NT5E: variants seen among roughly 807,000 people sequenced by gnomAD.
NT5E encodes the protein 5'-nucleotidase.
NT5E carries 53 observed loss-of-function variants against 55.1 expected under a neutral mutation model. That is an observed-to-expected ratio of 0.96 (90% CI 0.77 to 1.21). NT5E has a LOEUF of 1.21. Among genes scored for constraint, NT5E ranks in the 50% most tolerant of loss-of-function variants. The pLI, the probability that NT5E is intolerant of heterozygous loss-of-function variation, is 0.00. For missense variants in NT5E, 683 were observed against 724.3 expected, an observed-to-expected ratio of 0.94 and a Z score of 0.65; for synonymous variants, 270 against 278.4, an observed-to-expected ratio of 0.97 and a Z score of 0.30.
intron 3 of NT5E, among the ~76,000 whole-genome samples, chr6:85,477,985 C>T (rs1042566929): frequency 6.6e-6 from 1 of 151,220 alleles, no homozygotes; most frequent in Non-Finnish European, 1.5e-5. Context: ...TATGATTACG[C>T]CACTGCACTC....
chr6:85,455,294 A>G (rs185635631), intron 1 of NT5E, among the ~76,000 whole-genome samples: 88 of 152,340 alleles, frequency 5.8e-4, no homozygotes, highest in South Asian at 1.0e-3. Flanking sequence ...AGATCCCTAG[A>G]TAGCTTCAAG....
chr6:85,451,297 G>C (rs550873377), intron 1 of NT5E, among the ~76,000 whole-genome samples: 2 of 152,244 alleles, frequency 1.3e-5, no homozygotes, highest in South Asian at 4.1e-4. Context: ...GGGTTTCAAA[G>C]GATTTCAATA....
chr6:85,492,664 G>A (rs897121356), intron 8 of NT5E, among the ~76,000 whole-genome samples: 29 of 152,280 alleles, frequency 1.9e-4, no homozygotes, highest in Non-Finnish European at 2.5e-4. Flanking sequence ...CTTGATGTCA[G>A]TTGGTACTTC....
rs1768835485 is a variant in NT5E at position 85,450,590 on chromosome 6, T to A, written c.339+112T>A. The A allele has an allele frequency of 1.6e-5, 16 of 1,004,356 alleles. No homozygotes were observed. The South Asian group carries it at 2.2e-4, about 14-fold the overall frequency. 62.2% of individuals were successfully genotyped at this position (1,004,356 alleles called of 1,614,324 possible). A position where few individuals can be genotyped will look rare whatever the true frequency, so the allele number is the denominator to read the frequency against. On this transcript the variant is annotated intron_variant, in intron 1 of 8. Coordinates refer to ENST00000257770, the MANE Select transcript of NT5E (RefSeq NM_002526.4). The surrounding 1 kb of genome is among the most constrained non-coding windows in gnomAD (Gnocchi z 4.0). ...AGCCTAGGTCCAGGGCGCGGAGAGATGTGGGGATAAAGTGAGACTCCGGCC... is the reference window on the plus strand; with the variant it reads ...AGCCTAGGTCCAGGGCGCGGAGAGAAGTGGGGATAAAGTGAGACTCCGGCC...
intron 3 of NT5E, 32 bp downstream of exon 3, chr6:85,471,457 G>C (rs759345678): frequency 6.3e-7 from 1 of 1,595,636 alleles, no homozygotes; most frequent in Non-Finnish European, 8.6e-7. Flanking sequence ...CATGGGCCAG[G>C]ATGTCCAGAT....
chr6:85,467,228 G>C lies in NT5E; in HGVS notation c.508G>C (p.Val170Leu), dbSNP rs763229636. 6.2e-7 allele frequency: 1 copy of C among 1,614,154 alleles called. No homozygotes were observed. Among genetic ancestry groups the C allele is most frequent in the South Asian group, 1.1e-5 (1 of 91,080 alleles). The change falls in exon 2 of 9, where the codon GTT (valine) becomes CTT (leucine). Residue 170 changes from valine to leucine, a missense_variant. Val to Leu is a conservative substitution (Grantham distance 32). Transcript: ENST00000257770. ...TAAAGTTCTTCCTGTTGGTGATGAA[G>C]TTGTGGGAATCGTTGGATACACTTC... ...PYKVLPVGDE[V>L]VGIVGYTSKE... is the part of the protein sequence containing the mutation.
intron 3 of NT5E, among the ~76,000 whole-genome samples, chr6:85,473,760 G>A (rs1769370459): frequency 6.6e-6 from 1 of 152,130 alleles, no homozygotes; most frequent in Non-Finnish European, 1.5e-5. Flanking sequence ...TGATTTTCTT[G>A]TACTGTAGTT....
rs746551991 is a variant in NT5E at position 85,467,178 on chromosome 6, A to G, written c.458A>G (p.Gln153Arg). ...AAAGCAAAGGGGCCACTAGCATCTC[A>G]AATATCAGGACTTTATTTGCCATAT... Reference protein sequence around the residue: ...NIKAKGPLASQISGLYLPYKV... With the variant: ...NIKAKGPLASRISGLYLPYKV... Residue 153 changes from glutamine to arginine, a missense_variant, in exon 2 of 9, where the codon CAA (glutamine) becomes CGA (arginine). Physicochemically the swap from Gln to Arg is conservative, Grantham distance 43. Coordinates refer to ENST00000257770, the MANE Select transcript of NT5E (RefSeq NM_002526.4). 22 of 1,613,910 alleles carry G rather than the reference A, an allele frequency of 1.4e-5. No homozygotes were observed. In the East Asian group the frequency reaches 4.2e-4, roughly 31 times the overall value.
Position 85,467,210 on chromosome 6 carries a change from C to T in NT5E, c.490C>T (p.Leu164Phe). ...ISGLYLPYKV[L>F]PVGDEVVGIV... ...AGGACTTTATTTGCCATATAAAGTT[C>T]TTCCTGTTGGTGATGAAGTTGTGGG... The change falls in exon 2 of 9, where the codon CTT becomes TTT. Residue 164 changes from leucine (L) to phenylalanine (F), a missense_variant. Coordinates refer to ENST00000257770, the MANE Select transcript of NT5E (RefSeq NM_002526.4). 2 of 1,614,138 alleles carry T rather than the reference C, an allele frequency of 1.2e-6. No individual in the cohort carries two copies. The highest frequency in any genetic ancestry group is 1.7e-6 in the Non-Finnish European group (2 of 1,180,008).
Position 85,489,577 on chromosome 6 carries a change from G to C in NT5E, c.1188G>C (p.Ser396=). The C allele has an allele frequency of 6.2e-7, 1 of 1,613,386 alleles. No homozygotes were observed. The highest frequency in any genetic ancestry group is 1.1e-5 in the South Asian group (1 of 90,996). ...MCILNGGGIR[S]PIDERNNGTI... is the part of the protein sequence containing the mutation. ...TTTTAAATGGAGGTGGTATCCGGTCGCCCATTGATGAACGCAACAATGGTA... is the reference window on the plus strand; with the variant it reads ...TTTTAAATGGAGGTGGTATCCGGTCCCCCATTGATGAACGCAACAATGGTA... Residue 396 remains serine (S), a synonymous_variant, in exon 6 of 9, where the codon TCG becomes TCC. Transcript: ENST00000257770.
intron 1 of NT5E, 26 bp from the exon 2 acceptor site, chr6:85,467,034 C>A (rs561350963): frequency 1.3e-5 from 21 of 1,597,964 alleles, no homozygotes; most frequent in Non-Finnish European, 1.7e-5. Flanking sequence ...GCACCTAATT[C>A]TTTTTCTCTT....
intron 7 of NT5E, chr6:85,491,450 G>A (rs1042496783): frequency 1.3e-5 from 4 of 302,246 alleles, no homozygotes; most frequent in Non-Finnish European, 1.9e-5. Flanking sequence ...GAAGGCAGTG[G>A]GGCCCTGTCC....
At chr6:85,492,254 G>A (rs769876084) in intron 8 of NT5E, 77 bp downstream of exon 8, 4 of 1,377,952 alleles carry the variant, frequency 2.9e-6, no homozygotes, top group Non-Finnish European at 4.1e-6. Context: ...GTGGTGCCAG[G>A]AGGGCAAAGT....
intron 2 of NT5E, among the ~76,000 whole-genome samples, chr6:85,467,723 G>A (rs1467741267): frequency 5.9e-5 from 9 of 151,892 alleles, no homozygotes; most frequent in East Asian, 1.9e-4. Flanking sequence ...CACCTTTCTC[G>A]CTTTTCATTA....
intron 1 of NT5E, among the ~76,000 whole-genome samples, chr6:85,459,459 A>C (rs1769050253): frequency 6.6e-6 from 1 of 152,248 alleles, no homozygotes; most frequent in Non-Finnish European, 1.5e-5. Context: ...ACTGCTTTTA[A>C]AGAAACTCTG....
chr6:85,495,616 GTTTA>G lies in NT5E; in HGVS notation c.*1616_*1619del, dbSNP rs1319354046. On this transcript the variant is annotated 3_prime_UTR_variant, in exon 9 of 9. Coordinates refer to ENST00000257770, the MANE Select transcript of NT5E (RefSeq NM_002526.4). Reference sequence around the variant, plus strand: ...AAAATTAGAGAAAGTCACATTTAGGGTTTATTTTTTACACTTGGCCAGTAAAATA... The same window carrying G: ...AAAATTAGAGAAAGTCACATTTAGGGTTTTTTACACTTGGCCAGTAAAATA... 2.0e-5 allele frequency: 3 copies of G among 152,090 alleles called. No homozygotes were observed. Among genetic ancestry groups the G allele is most frequent in the African/African-American group, 7.2e-5 (3 of 41,394 alleles). 9.4% of individuals were successfully genotyped at this position (152,090 alleles called of 1,614,324 possible).
intron 1 of NT5E, among the ~76,000 whole-genome samples, chr6:85,453,821 A>G (rs1308749941): frequency 6.6e-6 from 1 of 152,154 alleles, no homozygotes; most frequent in East Asian, 1.9e-4. Context: ...GGTTAGTCAG[A>G]TAGATGGTCC....
In NT5E at chr6:85,485,303, A is replaced by G; in HGVS notation, c.820A>G (p.Lys274Glu). Residue 274 changes from lysine to glutamate, a missense_variant, in exon 4 of 9, where the codon AAG becomes GAG. Lys to Glu is a moderately conservative substitution (Grantham distance 56, BLOSUM62 1). Transcript: ENST00000257770. ...PFIVTSDDGRKVPVVQAYAFG... is the reference protein window; with the variant it reads ...PFIVTSDDGREVPVVQAYAFG... ...CATAGTCACTTCTGATGATGGGCGG[A>G]AGGTTCCTGTAGTCCAGGCCTATGC... The G allele has an allele frequency of 1.2e-6, 2 of 1,614,126 alleles. No homozygotes were observed. The highest frequency in any genetic ancestry group is 1.7e-6 in the Non-Finnish European group (2 of 1,180,018).
rs1305279585 is a variant in NT5E at position 85,494,910 on chromosome 6, GC to G, written c.*907del. The G allele has an allele frequency of 6.6e-6, 1 of 151,844 alleles. No homozygotes were observed. Among genetic ancestry groups the G allele is most frequent in the Non-Finnish European group, 1.5e-5 (1 of 68,026 alleles). The allele number at this position is 151,844 out of a possible 1,614,324, so 9.4% of individuals were successfully genotyped here. A position where few individuals can be genotyped will look rare whatever the true frequency, so the allele number is the denominator to read the frequency against. On this transcript the variant is annotated 3_prime_UTR_variant, in exon 9 of 9. Transcript: ENST00000257770. ...CACATGTTAAACAGATACTTGTTAA[GC>G]ATAGTGCCTGACACACGGCATTAGC...
Sources: allele counts gnomAD v4.1 joint callset (sites outside exome capture counted in the v4.1 genomes callset), GRCh38; gene constraint gnomAD v4.1.1; non-coding constraint Gnocchi (gnomAD v3.1); transcripts MANE v1.5; gene names NCBI Gene and HGNC (gene_info 2026-07-23, HGNC 2026-07-21).